The following FAM199X variants were observed in gnomAD, a reference collection of about 807,000 sequenced individuals.
FAM199X encodes family with sequence similarity 199, X-linked, also known as protein FAM199X.
FAM199X carries 4 observed loss-of-function variants against 22.9 expected under a neutral mutation model. The observed-to-expected ratio is 0.17, with a 90% CI of 0.09 to 0.40. The LOEUF (loss-of-function observed/expected upper bound fraction) is 0.40, where lower values mean the gene tolerates loss of function less well. FAM199X is among the 10% of genes least tolerant of loss of function. The pLI is 1.00. For missense variants in FAM199X, 183 were observed against 306.8 expected, an observed-to-expected ratio of 0.60 and a Z score of 3.01; for synonymous variants, 101 against 112.3, an observed-to-expected ratio of 0.90 and a Z score of 0.64.
intron 2 of FAM199X, 136 bp from the exon 3 acceptor site, chrX:104,185,930 C>A: frequency 1.7e-6 from 1 of 604,014 alleles, no homozygotes; most frequent in Non-Finnish European, 2.5e-6. Context: ...TTAAAGGAAG[C>A]CCTCTTAGCA....
chrX:104,173,581 T>A (rs1556375821), intron 1 of FAM199X, among the ~76,000 whole-genome samples: 1 of 111,839 alleles, frequency 8.9e-6, no homozygotes, highest in Non-Finnish European at 1.9e-5. Context: ...GTAGATTTAA[T>A]GAAGGATGAG....
In FAM199X at chrX:104,189,737, A is replaced by G; in HGVS notation, c.1126A>G (p.Thr376Ala). Reference sequence around the variant, plus strand: ...CGAAGAGGTGCTGTCCTTGAAAGTGACTGAGGAAGACCATGAAGCAGATGT... The same window carrying G: ...CGAAGAGGTGCTGTCCTTGAAAGTGGCTGAGGAAGACCATGAAGCAGATGT... Reference protein sequence around the residue: ...LNEEVLSLKVTEEDHEADVDV... With the variant: ...LNEEVLSLKVAEEDHEADVDV... The change falls in exon 6 of 6, where the codon ACT becomes GCT. Residue 376 changes from threonine to alanine, a missense_variant. Thr to Ala is a moderately conservative substitution (Grantham distance 58). This residue lies in a region of FAM199X where 128 missense variants were observed against 246.2 expected (regional missense o/e 0.52). Coordinates refer to ENST00000493442, the MANE Select transcript of FAM199X (RefSeq NM_207318.4). The G allele has an allele frequency of 8.3e-7, 1 of 1,211,361 alleles. No homozygotes were observed. Among genetic ancestry groups the G allele is most frequent in the Non-Finnish European group, 1.1e-6 (1 of 895,433 alleles).
the FAM199X span, among the ~76,000 whole-genome samples, chrX:104,157,335 C>T: frequency 9.0e-6 from 1 of 111,420 alleles, no homozygotes; most frequent in African/African-American, 3.3e-5. Flanking sequence ...TGACCTTTCA[C>T]CTTGAACCTG....
Position 104,188,026 on chromosome X carries a change from T to G in FAM199X, c.730-14T>G. On this transcript the variant is annotated splice_polypyrimidine_tract_variant and intron_variant, in intron 4 of 5. Coordinates refer to ENST00000493442, the MANE Select transcript of FAM199X (RefSeq NM_207318.4). ...AGGTGCAACACTAACCAGTTTGTGT[T>G]TGTGCATCCCAAGGTCAGAAACTAT... 1 of 1,206,901 alleles carries G rather than the reference T, an allele frequency of 8.3e-7. No individual in the cohort carries two copies. Among genetic ancestry groups the G allele is most frequent in the Non-Finnish European group, 1.1e-6 (1 of 891,385 alleles).
chrX:104,163,095 T>TACACACACAC (rs35140355), upstream of FAM199X, among the ~76,000 whole-genome samples: 133 of 95,420 alleles, frequency 1.4e-3, no homozygotes, highest in African/African-American at 5.0e-3. Context: ...CTCAGCTAAA[T>TACACACACAC]ACACACACAC....
chrX:104,184,944 CT>C (rs1413895484), intron 2 of FAM199X, among the ~76,000 whole-genome samples: 38 of 99,672 alleles, frequency 3.8e-4, no homozygotes, highest in Admixed American at 6.7e-4. Flanking sequence ...TTTTTCCTTT[CT>C]TTTTTTTTTT....
At chrX:104,175,376 A>G (rs1921462074) in intron 1 of FAM199X, among the ~76,000 whole-genome samples, 5 of 111,423 alleles carry the variant, frequency 4.5e-5, no homozygotes, top group African/African-American at 1.6e-4. Flanking sequence ...ACATTTATTC[A>G]TATACGGCAT....
At chrX:104,167,401 G>T (rs1329243969) in intron 1 of FAM199X, among the ~76,000 whole-genome samples, 1 of 109,196 alleles carries the variant, frequency 9.2e-6, no homozygotes, top group Non-Finnish European at 1.9e-5. Context: ...TCAATCCATA[G>T]ATCTTTTGAA....
At chrX:104,181,258 T>C (rs1263273634) in intron 2 of FAM199X, among the ~76,000 whole-genome samples, 3 of 112,582 alleles carry the variant, frequency 2.7e-5, no homozygotes, top group African/African-American at 9.7e-5. Flanking sequence ...AATATAAATA[T>C]GCCAAATATT....
intron 2 of FAM199X, among the ~76,000 whole-genome samples, chrX:104,184,926 A>G (rs781820146): frequency 8.4e-5 from 9 of 106,840 alleles, no homozygotes; most frequent in African/African-American, 3.1e-4. Context: ...ACCACACCCA[A>G]CTAATTTTTT....
intron 5 of FAM199X, 132 bp downstream of exon 5, chrX:104,188,438 C>G: frequency 1.3e-6 from 1 of 781,626 alleles, no homozygotes; most frequent in Admixed American, 2.9e-5. Context: ...ATTGAACAAG[C>G]AGGATGCTCT....
intron 1 of FAM199X, among the ~76,000 whole-genome samples, chrX:104,170,912 A>G: frequency 8.9e-6 from 1 of 111,882 alleles, no homozygotes; most frequent in Non-Finnish European, 1.9e-5. Context: ...GGACTCCAGA[A>G]TAGCAGCAGA....
rs1283784633 is a variant in FAM199X at position 104,190,756 on chromosome X, C to T, written c.*978C>T. On this transcript the variant is annotated 3_prime_UTR_variant, in exon 6 of 6. Transcript: ENST00000493442. Reference sequence around the variant, plus strand: ...GGTATAACAGCTTCTGGCATGTGACCTAGTTAATGTTGAAAATTAACTGAT... The same window carrying T: ...GGTATAACAGCTTCTGGCATGTGACTTAGTTAATGTTGAAAATTAACTGAT... 1 of 110,912 alleles carries T rather than the reference C, an allele frequency of 9.0e-6. No homozygotes were observed. Among genetic ancestry groups the T allele is most frequent in the Non-Finnish European group, 1.9e-5 (1 of 52,941 alleles). 9.1% of individuals were successfully genotyped at this position (110,912 alleles called of 1,213,427 possible).
rs139231875 is a variant in FAM199X at position 104,168,341 on chromosome X, A to G, written c.197+1359A>G. Among the ~76,000 whole-genome samples the G allele has an allele frequency of 1.7e-4, 19 of 112,350 alleles. No individual in the cohort carries two copies. The East Asian group carries it at 4.2e-3, about 25-fold the overall frequency. On this transcript the variant is annotated intron_variant, in intron 1 of 5. Transcript: ENST00000493442. ...ATCCAAGACTATTCCTTTGAAGCCA[A>G]TGATTAAACTTGGAGCAGAACTAAT...
In FAM199X at chrX:104,194,074, T is replaced by C. The variant is rs1922003824; in HGVS notation, c.*4296T>C. On this transcript the variant is annotated 3_prime_UTR_variant, in exon 6 of 6. Coordinates refer to ENST00000493442, the MANE Select transcript of FAM199X (RefSeq NM_207318.4). ...TTTTCTTATTTTTTTAACATTAAAA[T>C]TATTTCTTTTTGGCTCTCCCTCTAG... The C allele has an allele frequency of 8.9e-6, 1 of 111,810 alleles. No individual in the cohort carries two copies. Among genetic ancestry groups the C allele is most frequent in the African/African-American group, 3.2e-5 (1 of 30,855 alleles). The allele number at this position is 111,810 out of a possible 1,213,427, so 9.2% of individuals were successfully genotyped here. A position where few individuals can be genotyped will look rare whatever the true frequency, so the allele number is the denominator to read the frequency against.
intron 2 of FAM199X, among the ~76,000 whole-genome samples, chrX:104,177,165 A>G (rs1346938541): frequency 9.0e-6 from 1 of 111,251 alleles, no homozygotes; most frequent in Non-Finnish European, 1.9e-5. Context: ...CTACTAATCT[A>G]ATTTCTCTAT....
intron 5 of FAM199X, among the ~76,000 whole-genome samples, chrX:104,188,507 A>G (rs187628071): frequency 2.7e-5 from 3 of 111,633 alleles, no homozygotes; most frequent in Non-Finnish European, 5.6e-5. Flanking sequence ...ACCCACAACC[A>G]TATTGCATTC....
chrX:104,186,761 T>C, intron 4 of FAM199X, 140 bp downstream of exon 4: 2 of 539,074 alleles, frequency 3.7e-6, no homozygotes, highest in Non-Finnish European at 5.7e-6. Flanking sequence ...GAAAAAATGA[T>C]GGCACATTGA....
rs1556380607 is a variant in FAM199X, at chrX:104,192,301, C to T, written c.*2523C>T. On this transcript the variant is annotated 3_prime_UTR_variant, in exon 6 of 6. Transcript: ENST00000493442. ...GTGTATCTCTGAGTTCAATTTAAAACAATCCAACTCAGTAATATTTATTTT... is the reference window on the plus strand; with the variant it reads ...GTGTATCTCTGAGTTCAATTTAAAATAATCCAACTCAGTAATATTTATTTT... 1 of 111,600 alleles carries T rather than the reference C, an allele frequency of 9.0e-6. No individual in the cohort carries two copies. Among genetic ancestry groups the T allele is most frequent in the African/African-American group, 3.2e-5 (1 of 30,851 alleles). 9.2% of individuals were successfully genotyped at this position (111,600 alleles called of 1,213,427 possible).
Sources: allele counts gnomAD v4.1 joint callset (sites outside exome capture counted in the v4.1 genomes callset), GRCh38; gene constraint gnomAD v4.1.1; regional missense constraint gnomAD v4.1.1; transcripts MANE v1.5; gene names NCBI Gene and HGNC (gene_info 2026-07-23, HGNC 2026-07-21).